The following EFR3B variants were observed in gnomAD, a reference collection of about 807,000 sequenced individuals.
The protein encoded by EFR3B is EFR3 homolog B.
A neutral mutation model predicts 104.7 loss-of-function variants in EFR3B; 64 were observed. The ratio of observed to expected loss-of-function variants is 0.61; its 90% confidence interval spans 0.50 to 0.75. The LOEUF (loss-of-function observed/expected upper bound fraction) is 0.75, where lower values mean the gene tolerates loss of function less well. Ranked by LOEUF, EFR3B falls within the 30% of genes least tolerant of loss-of-function variation. The pLI is 0.00. For synonymous variants in EFR3B, 385 were observed against 417.9 expected (o/e 0.92, Z 0.96); for missense variants, 750 against 1,078.5 (o/e 0.70, Z 4.27).
intron 1 of EFR3B, among the ~76,000 whole-genome samples, chr2:25,074,927 CT>C (rs902614328): frequency 5.9e-5 from 9 of 152,222 alleles, no homozygotes; most frequent in African/African-American, 1.9e-4. Context: ...TATCTGCCAA[CT>C]TTTTAAAAAA....
At chr2:25,135,005 A>G (rs1270833740) in intron 12 of EFR3B, among the ~76,000 whole-genome samples, 1 of 152,074 alleles carries the variant, frequency 6.6e-6, no homozygotes, top group East Asian at 1.9e-4. Context: ...AATACTACCT[A>G]TGTGCACTAT....
chr2:25,144,681 G>A (rs1670765632), intron 18 of EFR3B, among the ~76,000 whole-genome samples: 1 of 152,200 alleles, frequency 6.6e-6, no homozygotes, highest in Non-Finnish European at 1.5e-5. Flanking sequence ...TTACACATAA[G>A]GTGAGATATG....
chr2:25,079,634 A>T (rs1668734112), intron 1 of EFR3B, among the ~76,000 whole-genome samples: 1 of 152,228 alleles, frequency 6.6e-6, no homozygotes, highest in Admixed American at 6.5e-5. Flanking sequence ...TCCAACAATA[A>T]TAAACAGACA....
chr2:25,048,344 A>T (rs987776394), intron 1 of EFR3B, among the ~76,000 whole-genome samples: 14 of 152,072 alleles, frequency 9.2e-5, no homozygotes, highest in South Asian at 2.1e-4. Flanking sequence ...CCTTTTTTTT[A>T]AAATTAGCAC....
intron 4 of EFR3B, 32 bp downstream of exon 4, chr2:25,103,819 C>G (rs1669488352): frequency 5.8e-6 from 9 of 1,549,654 alleles, no homozygotes; most frequent in Non-Finnish European, 7.9e-6. Flanking sequence ...TCCAGGTCTC[C>G]CAGCCGCATC....
intron 4 of EFR3B, among the ~76,000 whole-genome samples, chr2:25,109,352 C>T (rs569294043): frequency 6.6e-6 from 1 of 152,178 alleles, no homozygotes; most frequent in Non-Finnish European, 1.5e-5. Flanking sequence ...ATTAAAAACA[C>T]AGTCCCACAC....
chr2:25,106,376 G>A (rs1455862043), intron 4 of EFR3B, among the ~76,000 whole-genome samples: 16 of 151,470 alleles, frequency 1.1e-4, no homozygotes, highest in African/African-American at 2.9e-4. Context: ...TGCAACCTCC[G>A]CCTCCGAGGT....
At chr2:25,068,442 G>C (rs1668395768) in intron 1 of EFR3B, among the ~76,000 whole-genome samples, 1 of 152,084 alleles carries the variant, frequency 6.6e-6, no homozygotes. Context: ...AGATCGGGAA[G>C]GCTCCACGCC....
In EFR3B at chr2:25,130,023, C is replaced by T. The variant is rs780694667; in HGVS notation, c.684C>T (p.Pro228=). Reference sequence around the variant, plus strand: ...CACCTGAGAAGGAGAAAGAGAGCCCCGCGGAGCTGGCTGAGAGGTGTCTTC... The same window carrying T: ...CACCTGAGAAGGAGAAAGAGAGCCCTGCGGAGCTGGCTGAGAGGTGTCTTC... ...LQAPEKEKES[P]AELAERCLRE... is the part of the protein sequence containing the mutation. The change falls in exon 7 of 23, where the codon CCC becomes CCT. Residue 228 remains proline, a synonymous_variant. Transcript: ENST00000403714. This position sits in a 1 kb window ranked among gnomAD's most constrained non-coding sequence, Gnocchi z 4.6. 44 of 1,551,754 alleles carry T rather than the reference C, an allele frequency of 2.8e-5. No individual in the cohort carries two copies. In the African/African-American group the frequency reaches 3.8e-4, roughly 13 times the overall value.
chr2:25,069,521 C>A (rs143332813), intron 1 of EFR3B, among the ~76,000 whole-genome samples: 93 of 152,334 alleles, frequency 6.1e-4, no homozygotes, highest in African/African-American at 2.2e-3. Flanking sequence ...ATTGAAGTGG[C>A]AGCATTACAG....
intron 17 of EFR3B, 45 bp downstream of exon 17, chr2:25,141,478 T>G: frequency 6.5e-7 from 1 of 1,545,964 alleles, no homozygotes; most frequent in Non-Finnish European, 8.7e-7. Flanking sequence ...CCAGGGCAGC[T>G]GAGTAAGCAG....
intron 4 of EFR3B, among the ~76,000 whole-genome samples, chr2:25,120,265 C>T (rs1252453801): frequency 2.6e-5 from 4 of 151,884 alleles, no homozygotes; most frequent in African/African-American, 7.3e-5. Context: ...TCGGGAGAAT[C>T]GCTTGAACCC....
chr2:25,126,658 C>A (rs892730591), intron 5 of EFR3B, among the ~76,000 whole-genome samples: 3 of 151,888 alleles, frequency 2.0e-5, no homozygotes, highest in Non-Finnish European at 4.4e-5. Context: ...CCGCGCCCGG[C>A]CTAATGTTTT....
chr2:25,079,062 A>G (rs1352064517), intron 1 of EFR3B, among the ~76,000 whole-genome samples: 1 of 152,066 alleles, frequency 6.6e-6, no homozygotes, highest in African/African-American at 2.4e-5. Context: ...AGGACCCCCT[A>G]CAGTGGAGGA....
chr2:25,149,575 TC>T, intron 19 of EFR3B, 118 bp from the exon 20 acceptor site: 1 of 1,022,312 alleles, frequency 9.8e-7, no homozygotes, highest in Non-Finnish European at 1.5e-6. Flanking sequence ...CTGAGGGACT[TC>T]CTGCCCACTG....
chr2:25,072,548 C>G (rs374934910), intron 1 of EFR3B, among the ~76,000 whole-genome samples: 2 of 152,302 alleles, frequency 1.3e-5, no homozygotes, highest in Admixed American at 1.3e-4. Context: ...TCCCAAAGTG[C>G]TAGGATTACA....
chr2:25,062,699 A>T (rs1055214638), intron 1 of EFR3B, among the ~76,000 whole-genome samples: 1 of 152,182 alleles, frequency 6.6e-6, no homozygotes, highest in African/African-American at 2.4e-5. Context: ...AGTCCATCCC[A>T]TTGGCAGCTG....
intron 17 of EFR3B, among the ~76,000 whole-genome samples, chr2:25,143,241 ATGT>A (rs1670724088): frequency 6.6e-6 from 1 of 152,032 alleles, no homozygotes; most frequent in Non-Finnish European, 1.5e-5. Flanking sequence ...TGACTGAAGG[ATGT>A]GATTGTTGTA....
intron 4 of EFR3B, among the ~76,000 whole-genome samples, chr2:25,119,400 G>A (rs1669954509): frequency 6.6e-6 from 1 of 152,204 alleles, no homozygotes; most frequent in Non-Finnish European, 1.5e-5. Flanking sequence ...GCTGCCGGTG[G>A]CTAAGGGCAG....
Sources: gnomAD v4.1 joint callset for allele counts (sites outside exome capture counted in the v4.1 genomes callset) on GRCh38, gnomAD v4.1.1 for gene constraint, Gnocchi (gnomAD v3.1) non-coding constraint, MANE v1.5 for transcripts, NCBI Gene and HGNC (gene_info 2026-07-23, HGNC 2026-07-21) for gene names.